The following PRF1 variants were observed in gnomAD, a reference collection of about 807,000 sequenced individuals.
PRF1 encodes perforin-1.
PRF1 carries 11 observed loss-of-function variants against 11.7 expected under a neutral mutation model. The ratio of observed to expected loss-of-function variants is 0.94; its 90% CI spans 0.59 to 1.56. PRF1 has a LOEUF of 1.56. Among genes scored for constraint, PRF1 ranks in the 40% most tolerant of loss-of-function variants. The probability of loss-of-function intolerance (pLI) is 0.00; values close to 1 mark genes in which losing one functional copy is unlikely to be tolerated. For missense variants in PRF1, 729 were observed against 751.0 expected, an observed-to-expected ratio of 0.97 and a Z score of 0.34; for synonymous variants, 314 against 327.8, an observed-to-expected ratio of 0.96 and a Z score of 0.45.
chr10:70,601,653 AC>A (rs1848231562), intron 1 of PRF1, among the ~76,000 whole-genome samples: 1 of 150,906 alleles, frequency 6.6e-6, no homozygotes, highest in South Asian at 2.1e-4. Flanking sequence ...ACGTGGTGAA[AC>A]CCCCTCTTTA....
chr10:70,598,154 C>T lies in PRF1; in HGVS notation c.1567G>A (p.Ala523Thr). The change falls in exon 3 of 3, where the codon GCC becomes ACC. Residue 523 changes from alanine to threonine, a missense_variant. By Grantham distance (58) the Ala-to-Thr change is moderately conservative. Coordinates refer to ENST00000441259, the MANE Select transcript of PRF1 (RefSeq NM_001083116.3). ...NHGHLKFRYH[A>T]RCLPHLGGGT... Reference sequence around the variant, plus strand: ...CCTCCCAGGTGGGGCAAGCACCTGGCATGATAGCGGAATTTTAGGTGGCCA... The same window carrying T: ...CCTCCCAGGTGGGGCAAGCACCTGGTATGATAGCGGAATTTTAGGTGGCCA... 1 of 1,614,166 alleles carries T rather than the reference C, an allele frequency of 6.2e-7. No individual in the cohort carries two copies. Among genetic ancestry groups the T allele is most frequent in the Admixed American group, 1.7e-5 (1 of 60,028 alleles).
In PRF1 at chr10:70,598,409, A is replaced by G. The variant is rs755998254; in HGVS notation, c.1312T>C (p.Tyr438His). 1.9e-6 allele frequency: 3 copies of G among 1,613,908 alleles called. No homozygotes were observed. In the East Asian group the frequency reaches 6.7e-5, roughly 36 times the overall value. Residue 438 changes from tyrosine (Y) to histidine (H), a missense_variant, in exon 3 of 3, where the codon TAT (tyrosine) becomes CAT (histidine). Transcript: ENST00000441259. The stretch of plus-strand genomic sequence containing the variant: ...TGGCCACCAAAGAAGAGCTTCACAT[A>G]GGCATCCGTGGCAGTGAACCAGTCC... ...WGDWFTATDA[Y>H]VKLFFGGQEL...
rs1417622193 is a variant in PRF1 at position 70,598,853 on chromosome 10, C to T, written c.868G>A (p.Ala290Thr). 7 of 1,614,252 alleles carry T rather than the reference C, an allele frequency of 4.3e-6. No individual in the cohort carries two copies. Among genetic ancestry groups the T allele is most frequent in the Non-Finnish European group, 5.9e-6 (7 of 1,180,050 alleles). ...TCCCGGTAGGTTTGGTGGAAGGAGG[C>T]CGTCATCTTGTGCTTCTTCTTCTTC... ...EEKKKKHKMT[A>T]SFHQTYRERH... Residue 290 changes from alanine to threonine, a missense_variant, in exon 3 of 3, where the codon GCC becomes ACC. Coordinates refer to ENST00000441259, the MANE Select transcript of PRF1 (RefSeq NM_001083116.3).
At chr10:70,601,965 C>T (rs913379388) in intron 1 of PRF1, among the ~76,000 whole-genome samples, 7 of 152,098 alleles carry the variant, frequency 4.6e-5, no homozygotes, top group Non-Finnish European at 7.3e-5. Context: ...CTGTGGCCTT[C>T]GGCAGTGACA....
At position 70,597,524 on chromosome 10, in the gene PRF1, A is replaced by G. The variant is rs941375125; in HGVS notation, c.*529T>C. ...GGCTTTGCCACACCATAGAGGGCTC[A>G]AGGGAAGGGTCCTAAAAGACCAGCC... On this transcript the variant is annotated 3_prime_UTR_variant, in exon 3 of 3. Transcript: ENST00000441259. The G allele has an allele frequency of 5.6e-5, 24 of 425,920 alleles. No homozygotes were observed. The Admixed American group carries it at 5.8e-4, about 10-fold the overall frequency. The allele number at this position is 425,920 out of a possible 1,614,324, so 26.4% of individuals were successfully genotyped here.
rs1421387099 is a variant in PRF1 at position 70,597,764 on chromosome 10, G to T, written c.*289C>A. ...TGTCTGATGCGTATCCAATCTTTTG[G>T]CTTCTCTGGGCCACGTTGGAAGAAG... On this transcript the variant is annotated 3_prime_UTR_variant, in exon 3 of 3. Transcript: ENST00000441259. The T allele has an allele frequency of 3.3e-6, 2 of 601,160 alleles. No homozygotes were observed. Among genetic ancestry groups the T allele is most frequent in the Admixed American group, 5.9e-5 (2 of 33,724 alleles). The allele number at this position is 601,160 out of a possible 1,614,324, so 37.2% of individuals were successfully genotyped here.
In PRF1 at chr10:70,599,188, GAA is replaced by G; in HGVS notation, c.540-9_540-8del. On this transcript the variant is annotated splice_region_variant and splice_polypyrimidine_tract_variant and intron_variant, in intron 2 of 2. Transcript: ENST00000441259. The stretch of plus-strand genomic sequence containing the variant: ...AGTGTGTACCACATGGAAACTGCGA[GAA>G]GAGAGAGACCTCAGCTGGGCCCAGG... 1 of 1,614,146 alleles carries G rather than the reference GAA, an allele frequency of 6.2e-7. No individual in the cohort carries two copies. Among genetic ancestry groups the G allele is most frequent in the South Asian group, 1.1e-5 (1 of 91,086 alleles).
intron 1 of PRF1, among the ~76,000 whole-genome samples, chr10:70,601,985 CT>C (rs1323403032): frequency 1.3e-5 from 2 of 152,144 alleles, no homozygotes; most frequent in African/African-American, 4.8e-5. Context: ...AGGGGCCCCC[CT>C]ATTGCCTACT....
Position 70,598,805 on chromosome 10 carries a change from C to T in PRF1, c.916G>A (p.Gly306Ser), listed in dbSNP as rs763002067. The change falls in exon 3 of 3, where the codon GGC becomes AGC. Residue 306 changes from glycine to serine, a missense_variant. Gly to Ser is a moderately conservative substitution (Grantham distance 56, BLOSUM62 0). Transcript: ENST00000441259. ...YRERHSEVVG[G>S]HHTSINDLLF... Reference sequence around the variant, plus strand: ...AGGTCGTTAATGGAGGTGTGATGGCCGCCAACCACTTCCGAGTGGCGCTCC... The same window carrying T: ...AGGTCGTTAATGGAGGTGTGATGGCTGCCAACCACTTCCGAGTGGCGCTCC... 2.3e-5 allele frequency: 37 copies of T among 1,614,096 alleles called. No homozygotes were observed. Among genetic ancestry groups the T allele is most frequent in the South Asian group, 4.4e-5 (4 of 91,092 alleles).
chr10:70,601,840 A>AAAAAAAAAAAAAGGGAAAGAAAAAAAAG (rs55649452), intron 1 of PRF1, among the ~76,000 whole-genome samples: 1 of 97,764 alleles, frequency 1.0e-5, no homozygotes, highest in Non-Finnish European at 1.9e-5. Context: ...AAAAAAAAAA[A>AAAAAAAAAAAAAGGGAAAGAAAAAAAAG]AAAAAGGGGC....
rs1848167980 is a variant in PRF1, at chr10:70,598,637, T to C, written c.1084A>G (p.Arg362Gly). Residue 362 changes from arginine (R) to glycine (G), a missense_variant, in exon 3 of 3, where the codon AGG becomes GGG. Transcript: ENST00000441259. ...SQDPRREALR[R>G]ALSQYLTDRA... ...TCCGTCAGGTACTGACTCAGGGCCC[T>C]CCTCAGTGCCTCCCGCCGCGGGTCC... is the stretch of plus-strand genomic sequence containing the variant. The C allele has an allele frequency of 6.2e-7, 1 of 1,613,328 alleles. No homozygotes were observed. The highest frequency in any genetic ancestry group is 8.5e-7 in the Non-Finnish European group (1 of 1,179,938).
Position 70,598,495 on chromosome 10 carries a change from G to T in PRF1, c.1226C>A (p.Pro409His), listed in dbSNP as rs1278094424. 2 of 1,613,524 alleles carry T rather than the reference G, an allele frequency of 1.2e-6. No homozygotes were observed. The highest frequency in any genetic ancestry group is 2.7e-5 in the African/African-American group (2 of 75,052). ...CAGCTGGGCCAGGCCCCTCTGCCGA[G>T]GGCAGCAGTCCTGGGTGGTGACCGC... is the stretch of plus-strand genomic sequence containing the variant. ...GSAVTTQDCC[P>H]RQRGLAQLEV... The change falls in exon 3 of 3, where the codon CCT becomes CAT. Residue 409 changes from proline (P) to histidine (H), a missense_variant. Pro to His is a moderately conservative substitution (Grantham distance 77). Transcript: ENST00000441259.
In PRF1 at chr10:70,597,879, A is replaced by G. The variant is rs74513535; in HGVS notation, c.*174T>C. On this transcript the variant is annotated 3_prime_UTR_variant, in exon 3 of 3. Coordinates refer to ENST00000441259, the MANE Select transcript of PRF1 (RefSeq NM_001083116.3). ...AAAAAATAGCAAAAAGAAACTCATA[A>G]TGTTTTAAGAAAGTTTGCGAATTTG... 0.01 allele frequency: 7,607 copies of G among 747,346 alleles called. 73 individuals are homozygous for G. The highest frequency in any genetic ancestry group is 0.013 in the Non-Finnish European group (5,894 of 459,194). 46.3% of individuals were successfully genotyped at this position (747,346 alleles called of 1,614,324 possible).
Position 70,600,264 on chromosome 10 carries a change from C to T in PRF1, c.539+100G>A. 6.5e-7 allele frequency: 1 copy of T among 1,547,634 alleles called. No individual in the cohort carries two copies. The highest frequency in any genetic ancestry group is 8.7e-7 in the Non-Finnish European group (1 of 1,150,316). On this transcript the variant is annotated intron_variant, in intron 2 of 2. Coordinates refer to ENST00000441259, the MANE Select transcript of PRF1 (RefSeq NM_001083116.3). This position sits in a 1 kb window ranked among gnomAD's most constrained non-coding sequence, Gnocchi z 4.9. ...GCAGTTTCTTCCTGGTGGAAGCAGC[C>T]TCCAAGTTTGATTGGAGGACTCTGC...
rs140752768 is a variant in PRF1 at position 70,600,663 on chromosome 10, T to C, written c.240A>G (p.Leu80=). 1 of 1,613,730 alleles carries C rather than the reference T, an allele frequency of 6.2e-7. No individual in the cohort carries two copies. Among genetic ancestry groups the C allele is most frequent in the Non-Finnish European group, 8.5e-7 (1 of 1,179,856 alleles). The change falls in exon 2 of 3, where the codon CTA becomes CTG. Residue 80 remains leucine, a synonymous_variant. Coordinates refer to ENST00000441259, the MANE Select transcript of PRF1 (RefSeq NM_001083116.3). The surrounding 1 kb of genome is among the most constrained non-coding windows in gnomAD (Gnocchi z 4.9). ...GCAGGCGCTGGAGGGTGCCCTCCTGTAGGGCATTTTCACAGAGGGTGCAGG... is the reference window on the plus strand; with the variant it reads ...GCAGGCGCTGGAGGGTGCCCTCCTGCAGGGCATTTTCACAGAGGGTGCAGG... The part of the protein sequence containing the change: ...DGTCTLCENA[L]QEGTLQRLPL...
rs1031096686 is a variant in PRF1 at position 70,600,496 on chromosome 10, G to T, written c.407C>A (p.Thr136Asn). ...RNDWKVGLDV[T>N]PKPTSNVHVS... The stretch of plus-strand genomic sequence containing the variant: ...ATGCACATTGCTGGTGGGCTTAGGA[G>T]TCACGTCCAGCCCGACCTTCCAGTC... Residue 136 changes from threonine (T) to asparagine (N), a missense_variant, in exon 2 of 3, where the codon ACT becomes AAT. Thr to Asn is a moderately conservative substitution (Grantham distance 65). Transcript: ENST00000441259. This position sits in a 1 kb window ranked among gnomAD's most constrained non-coding sequence, Gnocchi z 4.9. 6.2e-7 allele frequency: 1 copy of T among 1,614,218 alleles called. No homozygotes were observed. Among genetic ancestry groups the T allele is most frequent in the Admixed American group, 1.7e-5 (1 of 60,022 alleles).
chr10:70,599,269 A>G, intron 2 of PRF1, 88 bp from the exon 3 acceptor site: 5 of 1,518,408 alleles, frequency 3.3e-6, no homozygotes, highest in Non-Finnish European at 9.0e-7. Flanking sequence ...TCAAGGTCAC[A>G]TGTAAGTGGG....
At position 70,600,987 on chromosome 10, in the gene PRF1, ACAGATTATCAGGG is replaced by A. The variant is rs1298056271; in HGVS notation, c.-30-68_-30-56del. On this transcript the variant is annotated intron_variant, in intron 1 of 2. Transcript: ENST00000441259. The surrounding 1 kb of genome is among the most constrained non-coding windows in gnomAD (Gnocchi z 4.9). ...ATGACTGCTCCCTTCCCCCACAGCC[ACAGATTATCAGGG>A]CACATGGAAGGGGAGGGGCTGAGAT... The A allele has an allele frequency of 2.7e-5, 42 of 1,532,866 alleles. No homozygotes were observed. In the Admixed American group the frequency reaches 8.3e-4, roughly 30 times the overall value. 95.0% of individuals were successfully genotyped at this position (1,532,866 alleles called of 1,614,324 possible).
Position 70,600,990 on chromosome 10 carries a change from G to A in PRF1, c.-30-58C>T. On this transcript the variant is annotated intron_variant, in intron 1 of 2. Coordinates refer to ENST00000441259, the MANE Select transcript of PRF1 (RefSeq NM_001083116.3). The surrounding 1 kb of genome is among the most constrained non-coding windows in gnomAD (Gnocchi z 4.9). The stretch of plus-strand genomic sequence containing the variant: ...ACTGCTCCCTTCCCCCACAGCCACA[G>A]ATTATCAGGGCACATGGAAGGGGAG... 1 of 1,530,552 alleles carries A rather than the reference G, an allele frequency of 6.5e-7. No individual in the cohort carries two copies. The highest frequency in any genetic ancestry group is 1.2e-5 in the South Asian group (1 of 82,862). The allele number at this position is 1,530,552 out of a possible 1,614,324, so 94.8% of individuals were successfully genotyped here.
Sources: gnomAD v4.1 joint callset for allele counts (sites outside exome capture counted in the v4.1 genomes callset) on GRCh38, gnomAD v4.1.1 for gene constraint, Gnocchi (gnomAD v3.1) non-coding constraint, MANE v1.5 for transcripts, NCBI Gene and HGNC (gene_info 2026-07-23, HGNC 2026-07-21) for gene names.